DSCAM: variants seen among roughly 807,000 people sequenced by gnomAD.
DSCAM encodes the protein cell adhesion molecule DSCAM.
DSCAM carries 47 observed loss-of-function variants against 217.7 expected under a neutral mutation model. That is an observed-to-expected ratio of 0.22 (90% CI 0.17 to 0.28). DSCAM has a LOEUF of 0.28. Among genes scored for constraint, DSCAM ranks in the 10% least tolerant of loss-of-function variants. The pLI, the probability that DSCAM is intolerant of heterozygous loss-of-function variation, is 1.00. For missense variants in DSCAM, 2,080 were observed against 2,618.3 expected (o/e 0.79, Z 4.49); for synonymous variants, 1,056 against 1,015.3 (o/e 1.04, Z -0.76).
intron 3 of DSCAM, among the ~76,000 whole-genome samples, chr21:40,546,903 A>AGGGGCT (rs1412736855): frequency 2.0e-5 from 3 of 149,854 alleles, no homozygotes; most frequent in Admixed American, 6.6e-5. Flanking sequence ...GTTTTGCTCC[A>AGGGGCT]GGGGCTGGGG....
intron 1 of DSCAM, among the ~76,000 whole-genome samples, chr21:40,821,137 C>CATAGATATATATATCTTCACAT (rs2091922932): frequency 7.2e-6 from 1 of 138,266 alleles, no homozygotes; most frequent in Non-Finnish European, 1.5e-5. Context: ...TATATCTTCA[C>CATAGATATATATATCTTCACAT]ATATATATAT....
chr21:40,746,360 C>A, intron 1 of DSCAM, among the ~76,000 whole-genome samples: 1 of 114,962 alleles, frequency 8.7e-6, no homozygotes, highest in African/African-American at 3.5e-5. Context: ...AAAAGATATT[C>A]CAAACAAATT....
At chr21:40,172,281 T>C (rs2090667324) in intron 15 of DSCAM, among the ~76,000 whole-genome samples, 1 of 152,180 alleles carries the variant, frequency 6.6e-6, no homozygotes, top group Non-Finnish European at 1.5e-5. Flanking sequence ...AAAAAACAAG[T>C]GATTTTACAA....
At chr21:40,274,445 A>C (rs965088889) in intron 11 of DSCAM, among the ~76,000 whole-genome samples, 4 of 152,146 alleles carry the variant, frequency 2.6e-5, no homozygotes, top group Admixed American at 2.6e-4. Flanking sequence ...TTGTACTTGT[A>C]TCCTTCATAG....
chr21:40,164,570 G>C (rs1888499), intron 16 of DSCAM, among the ~76,000 whole-genome samples: 9,183 of 152,198 alleles, frequency 0.06, 382 homozygotes, highest in African/African-American at 0.12. Flanking sequence ...GGCCAAGGTG[G>C]GTGGATCACG....
chr21:40,816,185 C>T (rs184137833), intron 1 of DSCAM, among the ~76,000 whole-genome samples: 7 of 152,272 alleles, frequency 4.6e-5, no homozygotes, highest in African/African-American at 1.2e-4. Flanking sequence ...AAGTGCTGTA[C>T]AAACGAGAAG....
intron 10 of DSCAM, among the ~76,000 whole-genome samples, chr21:40,279,686 T>C (rs1179897480): frequency 6.6e-6 from 1 of 152,232 alleles, no homozygotes; most frequent in South Asian, 2.1e-4. Flanking sequence ...ATATGTTTAC[T>C]GCAGCACTAT....
intron 3 of DSCAM, among the ~76,000 whole-genome samples, chr21:40,562,900 A>G (rs1014962634): frequency 6.6e-6 from 1 of 152,240 alleles, no homozygotes; most frequent in African/African-American, 2.4e-5. Flanking sequence ...CGCCTGCACG[A>G]CATGCACTAA....
Position 40,531,177 on chromosome 21 carries a change from A to T in DSCAM, c.508+161633T>A, listed in dbSNP as rs73364933. Among the ~76,000 whole-genome samples, 1,100 of 152,288 alleles carry T rather than the reference A, an allele frequency of 7.2e-3. 18 individuals are homozygous for T. The highest frequency in any genetic ancestry group is 0.025 in the African/African-American group (1,024 of 41,554). On this transcript the variant is annotated intron_variant, in intron 3 of 32. Transcript: ENST00000400454. ...CAGAGCCAAAACCACCAAGGCTTGC[A>T]GGACATGGTGGTTTACAGTTCCTGC...
At chr21:40,280,873 T>C (rs1000336305) in intron 10 of DSCAM, among the ~76,000 whole-genome samples, 6 of 152,326 alleles carry the variant, frequency 3.9e-5, no homozygotes, top group Non-Finnish European at 8.8e-5. Flanking sequence ...AGCTACCATG[T>C]TGTGAGCTGC....
chr21:40,191,390 C>T (rs1299319733), intron 11 of DSCAM, among the ~76,000 whole-genome samples: 2 of 152,294 alleles, frequency 1.3e-5, no homozygotes, highest in South Asian at 2.1e-4. Context: ...AGGACAGTTG[C>T]TCACAACTGT....
At chr21:40,770,909 G>A (rs112805873) in intron 1 of DSCAM, among the ~76,000 whole-genome samples, 2,488 of 152,348 alleles carry the variant, frequency 0.016, 59 homozygotes, top group African/African-American at 0.056. Flanking sequence ...TGCAAAAACA[G>A]AAGAGGTAGA....
intron 3 of DSCAM, among the ~76,000 whole-genome samples, chr21:40,430,758 C>G (rs557175710): frequency 6.6e-6 from 1 of 152,184 alleles, no homozygotes; most frequent in South Asian, 2.1e-4. Context: ...GCTTTACTGC[C>G]GGCTTCGCCT....
chr21:40,225,180 C>T (rs933627097), intron 11 of DSCAM, among the ~76,000 whole-genome samples: 8 of 152,190 alleles, frequency 5.3e-5, no homozygotes, highest in African/African-American at 1.9e-4. Context: ...CAAGGTAAGC[C>T]TGTGAATGAT....
At chr21:40,233,008 T>C (rs2091395274) in intron 11 of DSCAM, among the ~76,000 whole-genome samples, 1 of 152,060 alleles carries the variant, frequency 6.6e-6, no homozygotes, top group Admixed American at 6.6e-5. Flanking sequence ...TATAAATGGG[T>C]CTAAACATTA....
chr21:40,080,313 T>C lies in DSCAM; in HGVS notation c.4259A>G (p.Asn1420Ser). The change falls in exon 25 of 33, where the codon AAT becomes AGT. Residue 1420 changes from asparagine to serine, a missense_variant. By Grantham distance (46) the Asn-to-Ser change is conservative. Transcript: ENST00000400454. ...RGYILQYSED[N>S]SEQWGSFPIS... ...TGGAAAACTCCCCCACTGCTCACTA[T>C]TGTCCTCGGAGTACTGCAGTATGTA... 1 of 1,612,848 alleles carries C rather than the reference T, an allele frequency of 6.2e-7. No individual in the cohort carries two copies. The highest frequency in any genetic ancestry group is 8.5e-7 in the Non-Finnish European group (1 of 1,179,558).
chr21:40,826,052 C>T (rs1601316915), intron 1 of DSCAM, among the ~76,000 whole-genome samples: 1 of 152,128 alleles, frequency 6.6e-6, no homozygotes, highest in Non-Finnish European at 1.5e-5. Context: ...TGTGGGCTTC[C>T]CCAGTTGGGA....
intron 1 of DSCAM, among the ~76,000 whole-genome samples, chr21:40,763,479 T>C (rs2123348969): frequency 6.6e-6 from 1 of 152,262 alleles, no homozygotes; most frequent in African/African-American, 2.4e-5. Flanking sequence ...TCCATGCTCA[T>C]GGATAGGAAG....
intron 28 of DSCAM, among the ~76,000 whole-genome samples, chr21:40,061,055 C>T (rs1040305017): frequency 2.0e-5 from 3 of 152,202 alleles, no homozygotes; most frequent in Non-Finnish European, 4.4e-5. Flanking sequence ...TTTGCTTTTC[C>T]TCTGAGCTCC....
Sources: allele counts gnomAD v4.1 joint callset (sites outside exome capture counted in the v4.1 genomes callset), GRCh38; gene constraint gnomAD v4.1.1; transcripts MANE v1.5; gene names NCBI Gene and HGNC (gene_info 2026-07-23, HGNC 2026-07-21).